Variants in MAPDA observed in about 807,000 individuals in gnomAD.
The protein encoded by MAPDA is N6-Methyl-AMP deaminase.
chr15:43,350,422 C>G, the MAPDA span, among the ~76,000 whole-genome samples: 2 of 151,902 alleles, frequency 1.3e-5, no homozygotes, highest in African/African-American at 2.4e-5. Context: ...TACCTAGAAG[C>G]AGAAGGAGGT....
the MAPDA span, among the ~76,000 whole-genome samples, chr15:43,334,633 T>TTATATATATATA: frequency 0.024 from 1,587 of 64,976 alleles, 158 homozygotes; most frequent in Non-Finnish European, 0.045. Flanking sequence ...CTCAAAAAAA[T>TTATATATATATA]TATATATATA....
chr15:43,344,046 G>A, the MAPDA span, among the ~76,000 whole-genome samples: 1 of 152,096 alleles, frequency 6.6e-6, no homozygotes, highest in Non-Finnish European at 1.5e-5. Flanking sequence ...GTTACACACT[G>A]CTGGTAAGCA....
the MAPDA span, among the ~76,000 whole-genome samples, chr15:43,334,633 T>TTTTATATATATATATATATATATA: frequency 1.5e-5 from 1 of 65,142 alleles, no homozygotes; most frequent in Non-Finnish European, 4.7e-5. Context: ...CTCAAAAAAA[T>TTTTATATATATATATATATATATA]TATATATATA....
At chr15:43,334,350 G>A in the MAPDA span, among the ~76,000 whole-genome samples, 46 of 151,486 alleles carry the variant, frequency 3.0e-4, no homozygotes, top group African/African-American at 9.9e-4. Flanking sequence ...ATTTTTGGCC[G>A]GGCATGGTGG....
chr15:43,350,567 A>G, the MAPDA span, among the ~76,000 whole-genome samples: 6 of 152,176 alleles, frequency 3.9e-5, no homozygotes, highest in Non-Finnish European at 7.3e-5. Flanking sequence ...GGCTTCCACC[A>G]TTAGACCAGG....
At chr15:43,340,191 T>C in the MAPDA span, 2 of 1,274,708 alleles carry the variant, frequency 1.6e-6, no homozygotes, top group Non-Finnish European at 1.1e-6. Context: ...AAAATAAAGC[T>C]GTAGCACTTG....
At chr15:43,340,984 T>C in the MAPDA span, among the ~76,000 whole-genome samples, 1 of 152,190 alleles carries the variant, frequency 6.6e-6, no homozygotes, top group African/African-American at 2.4e-5. Flanking sequence ...TCTCAGGGAA[T>C]AGTTTCTTAG....
chr15:43,340,081 A>T, the MAPDA span, among the ~76,000 whole-genome samples: 315 of 152,354 alleles, frequency 2.1e-3, 2 homozygotes, highest in African/African-American at 7.3e-3. Flanking sequence ...GATTGGAAAT[A>T]TTGCAGCCCT....
the MAPDA span, among the ~76,000 whole-genome samples, chr15:43,334,663 A>ATATATATATATT: frequency 2.9e-4 from 36 of 125,364 alleles, no homozygotes; most frequent in Non-Finnish European, 5.8e-4. Context: ...ATATATATAT[A>ATATATATATATT]TTTTATCCAA....
At chr15:43,330,729 T>G in the MAPDA span, 1 of 441,206 alleles carries the variant, frequency 2.3e-6, no homozygotes, top group Non-Finnish European at 4.1e-6. Context: ...GTGAGTTCCA[T>G]TTGTCCCAGA....
the MAPDA span, among the ~76,000 whole-genome samples, chr15:43,338,350 C>CA: frequency 6.6e-6 from 1 of 152,144 alleles, no homozygotes; most frequent in African/African-American, 2.4e-5. Context: ...GGTATAATCT[C>CA]AAAGAGAGGA....
chr15:43,348,943 G>T, the MAPDA span: 16 of 1,614,040 alleles, frequency 9.9e-6, no homozygotes, highest in East Asian at 2.2e-5. Flanking sequence ...AATACTCCTG[G>T]ATCTGCTTCC....
At chr15:43,351,091 C>T in the MAPDA span, 1 of 1,483,600 alleles carries the variant, frequency 6.7e-7, no homozygotes, top group Non-Finnish European at 9.2e-7. Flanking sequence ...CCCTGAGTTG[C>T]ATTAATTCAG....
At chr15:43,354,121 A>G in the MAPDA span, 1 of 152,204 alleles carries the variant, frequency 6.6e-6, no homozygotes, top group African/African-American at 2.4e-5. Flanking sequence ...CCTAGCTGGT[A>G]TCTGCTGCAA....
At chr15:43,338,478 T>C in the MAPDA span, among the ~76,000 whole-genome samples, 1 of 152,196 alleles carries the variant, frequency 6.6e-6, no homozygotes, top group Non-Finnish European at 1.5e-5. Context: ...AAAATAGGCT[T>C]AAAGAGGTTA....
chr15:43,340,176 T>C, the MAPDA span: 1 of 1,142,074 alleles, frequency 8.8e-7, no homozygotes, highest in South Asian at 1.4e-5. Flanking sequence ...TCAGATTTAA[T>C]GAATAAAATA....
chr15:43,330,549 A>G, the MAPDA span: 1 of 1,493,484 alleles, frequency 6.7e-7, no homozygotes, highest in East Asian at 2.4e-5. Context: ...CTTGGTTAGC[A>G]CACACCTCAC....
the MAPDA span, chr15:43,353,489 G>T: frequency 6.6e-6 from 1 of 152,084 alleles, no homozygotes; most frequent in Non-Finnish European, 1.5e-5. Context: ...CCTGTTTCCT[G>T]GCATACTGCT....
At chr15:43,347,147 T>C in the MAPDA span, 1 of 1,448,552 alleles carries the variant, frequency 6.9e-7, no homozygotes, top group Admixed American at 1.8e-5. Flanking sequence ...TAGAAAATAA[T>C]AGGGTCATTT....
Sources: gnomAD v4.1 joint callset for allele counts (sites outside exome capture counted in the v4.1 genomes callset) on GRCh38, gnomAD v4.1.1 for gene constraint, MANE v1.5 for transcripts, NCBI Gene and HGNC (gene_info 2026-07-23, HGNC 2026-07-21) for gene names.